CHEK2: variants seen among roughly 807,000 people sequenced by gnomAD.
CHEK2 encodes serine/threonine-protein kinase Chk2.
A neutral mutation model predicts 69.1 loss-of-function variants in CHEK2; 71 were observed. The observed-to-expected ratio is 1.03, with a 90% CI of 0.85 to 1.25. The LOEUF (loss-of-function observed/expected upper bound fraction) is 1.25. Ranked by LOEUF, CHEK2 falls within the 50% of genes most tolerant of loss-of-function variation. The pLI is 0.00. For synonymous variants in CHEK2, 189 were observed against 226.9 expected (o/e 0.83, Z 1.50); for missense variants, 664 against 649.6 (o/e 1.02, Z -0.24).
Position 28,734,557 on chromosome 22 carries a change from G to A in CHEK2, c.165C>T (p.Ser55=), listed in dbSNP as rs2146149230. The A allele has an allele frequency of 6.2e-7, 1 of 1,613,992 alleles. No homozygotes were observed. ...TMPNSSQSSH[S]SSGTLSSLET... The stretch of plus-strand genomic sequence containing the variant: ...CTAAGGAGCTCAGTGTCCCAGAGCT[G>A]GAGTGAGAGGACTGGCTGGAGTTTG... The change falls in exon 2 of 15, where the codon TCC becomes TCT. Residue 55 remains serine, a synonymous_variant. Coordinates refer to ENST00000404276, the MANE Select transcript of CHEK2 (RefSeq NM_007194.4).
chr22:28,693,900 A>AC (rs1025592030), intron 13 of CHEK2, 132 bp downstream of exon 13: 18 of 736,752 alleles, frequency 2.4e-5, no homozygotes, highest in South Asian at 2.2e-4. Flanking sequence ...CCTCCAAGAT[A>AC]CCCCCCATAC....
In CHEK2 at chr22:28,725,133, G is replaced by C. The variant is rs1064794870; in HGVS notation, c.445-9C>G. The C allele has an allele frequency of 1.4e-5, 22 of 1,614,078 alleles. No homozygotes were observed. Among genetic ancestry groups the C allele is most frequent in the Non-Finnish European group, 1.7e-5 (20 of 1,179,998 alleles). ...TTTTTAGGACCCACTTCCTAAAATA[G>C]AGAACATTTTGTTTCAGACTTTGAA... On this transcript the variant is annotated splice_polypyrimidine_tract_variant and intron_variant, in intron 3 of 14. Coordinates refer to ENST00000404276, the MANE Select transcript of CHEK2 (RefSeq NM_007194.4).
intron 5 of CHEK2, among the ~76,000 whole-genome samples, chr22:28,713,029 T>C (rs1041224525): frequency 6.6e-6 from 1 of 152,218 alleles, no homozygotes; most frequent in Admixed American, 6.5e-5. Flanking sequence ...CTAATCTACT[T>C]TCTCTAAATA....
At chr22:28,729,377 C>G (rs2054116217) in intron 2 of CHEK2, 1 of 172,056 alleles carries the variant, frequency 5.8e-6, no homozygotes, top group Non-Finnish European at 1.3e-5. Context: ...CCCGTCTCTA[C>G]TAAAAATACA....
In CHEK2 at chr22:28,695,840, C is replaced by G. The variant is rs2145806011; in HGVS notation, c.1129G>C (p.Glu377Gln). ...CATAAGGTTCTCATGAGAGAGGTCTCTCCCAAAATCTTGGAGTGCCCAAAA... is the reference window on the plus strand; with the variant it reads ...CATAAGGTTCTCATGAGAGAGGTCTGTCCCAAAATCTTGGAGTGCCCAAAA... ...TDFGHSKILG[E>Q]TSLMRTLCGT... Residue 377 changes from glutamate to glutamine, a missense_variant, in exon 11 of 15, where the codon GAG (glutamate) becomes CAG (glutamine). By Grantham distance (29) the Glu-to-Gln change is conservative. Coordinates refer to ENST00000404276, the MANE Select transcript of CHEK2 (RefSeq NM_007194.4). 6.2e-7 allele frequency: 1 copy of G among 1,613,802 alleles called. No homozygotes were observed. Among genetic ancestry groups the G allele is most frequent in the Non-Finnish European group, 8.5e-7 (1 of 1,179,708 alleles).
At chr22:28,716,769 C>G (rs951336282) in intron 5 of CHEK2, among the ~76,000 whole-genome samples, 1 of 152,158 alleles carries the variant, frequency 6.6e-6, no homozygotes, top group African/African-American at 2.4e-5. Flanking sequence ...TATCCTGATA[C>G]TTTCCTAAAG....
At chr22:28,698,228 T>TAAAAA (rs398040472) in intron 9 of CHEK2, among the ~76,000 whole-genome samples, 5 of 81,896 alleles carry the variant, frequency 6.1e-5, no homozygotes, top group Admixed American at 1.4e-4. Context: ...CTATCTTTAC[T>TAAAAA]AAAAAAAAAA....
intron 1 of CHEK2, among the ~76,000 whole-genome samples, chr22:28,735,806 C>T (rs1016937597): frequency 7.9e-5 from 12 of 152,070 alleles, no homozygotes; most frequent in Admixed American, 7.9e-4. Context: ...TGCTCGAGCC[C>T]AGGAGGCAGA....
rs1057520467 is a variant in CHEK2 at position 28,699,904 on chromosome 22, C to T, written c.942G>A (p.Val314=). The change falls in exon 9 of 15, where the codon GTG becomes GTA. Residue 314 remains valine (V), a synonymous_variant. Transcript: ENST00000404276. The part of the protein sequence containing the change: ...MEGGELFDKV[V]GNKRLKEATC... ...TAGCTTCTTTCAGGCGTTTATTCCC[C>T]ACCACTTTGTCAAACAGCTCTCCCC... The T allele has an allele frequency of 6.2e-7, 1 of 1,614,052 alleles. No homozygotes were observed. Among genetic ancestry groups the T allele is most frequent in the Non-Finnish European group, 8.5e-7 (1 of 1,179,982 alleles).
In CHEK2 at chr22:28,715,627, C is replaced by T. The variant is rs1014697788; in HGVS notation, c.684-3610G>A. Among the ~76,000 whole-genome samples the T allele has an allele frequency of 2.6e-5, 4 of 152,094 alleles. No homozygotes were observed. The South Asian group carries it at 8.3e-4, about 32-fold the overall frequency. ...TAGAGACAGGGTTTTACTGTGTCAG[C>T]CCGGCTGGTCTCAAACTCCTGACCT... On this transcript the variant is annotated intron_variant, in intron 5 of 14. Coordinates refer to ENST00000404276, the MANE Select transcript of CHEK2 (RefSeq NM_007194.4).
At chr22:28,733,846 G>C (rs1018911163) in intron 2 of CHEK2, among the ~76,000 whole-genome samples, 3 of 151,172 alleles carry the variant, frequency 2.0e-5, no homozygotes, top group African/African-American at 7.3e-5. Context: ...TTGAACCCAG[G>C]AGTCAGAGGC....
intron 2 of CHEK2, chr22:28,728,107 G>A (rs1342286956): frequency 1.3e-5 from 2 of 152,202 alleles, no homozygotes; most frequent in Non-Finnish European, 2.9e-5. Context: ...TCCAGAGTGA[G>A]AGTGAGACCC....
intron 2 of CHEK2, among the ~76,000 whole-genome samples, chr22:28,730,086 G>T (rs1288137595): frequency 6.7e-6 from 1 of 149,802 alleles, no homozygotes; most frequent in Admixed American, 6.8e-5. Flanking sequence ...CTTGTGATCC[G>T]CCCACCTCAG....
chr22:28,714,812 G>A (rs1173991234), intron 5 of CHEK2, among the ~76,000 whole-genome samples: 2 of 152,078 alleles, frequency 1.3e-5, no homozygotes, highest in Middle Eastern at 3.2e-3. Flanking sequence ...TAATTCTTAT[G>A]TATGGTATGA....
chr22:28,736,106 A>AATTT (rs1265399937), intron 1 of CHEK2, among the ~76,000 whole-genome samples: 1 of 152,130 alleles, frequency 6.6e-6, no homozygotes, highest in Non-Finnish European at 1.5e-5. Context: ...AGCATGTTTA[A>AATTT]AGGAGGCTAG....
chr22:28,736,145 T>C (rs1395108230), intron 1 of CHEK2, among the ~76,000 whole-genome samples: 2 of 152,190 alleles, frequency 1.3e-5, no homozygotes, highest in Non-Finnish European at 2.9e-5. Context: ...GTATCTTAGG[T>C]GTATTAAATG....
intron 13 of CHEK2, among the ~76,000 whole-genome samples, chr22:28,692,467 C>CT (rs901746713): frequency 2.6e-5 from 3 of 113,216 alleles, no homozygotes; most frequent in African/African-American, 9.4e-5. Flanking sequence ...ACATATATGT[C>CT]TTTTTTTGTT....
chr22:28,690,403 C>T (rs1488494542), intron 13 of CHEK2, among the ~76,000 whole-genome samples: 4 of 150,916 alleles, frequency 2.7e-5, no homozygotes, highest in East Asian at 2.0e-4. Context: ...CCAAGGCAGG[C>T]GAATCGCCTG....
intron 4 of CHEK2, chr22:28,721,539 G>A (rs2053783238): frequency 1.7e-5 from 7 of 418,574 alleles, no homozygotes; most frequent in South Asian, 7.0e-5. Flanking sequence ...TGCCAGCCTC[G>A]GCCTCCCAAA....
Sources: gnomAD v4.1 joint callset for allele counts (sites outside exome capture counted in the v4.1 genomes callset) on GRCh38, gnomAD v4.1.1 for gene constraint, MANE v1.5 for transcripts, NCBI Gene and HGNC (gene_info 2026-07-23, HGNC 2026-07-21) for gene names.